The following ALAS2 variants were observed in gnomAD, a reference collection of about 807,000 sequenced individuals.
The protein encoded by ALAS2 is 5'-aminolevulinate synthase 2, also known as 5-aminolevulinate synthase, erythroid-specific, mitochondrial.
ALAS2 carries 3 observed loss-of-function variants against 33.7 expected under a neutral mutation model. That is an observed-to-expected ratio of 0.09 (90% CI 0.04 to 0.23). The LOEUF (loss-of-function observed/expected upper bound fraction) is 0.23, where lower values mean the gene tolerates loss of function less well. Among genes scored for constraint, ALAS2 ranks in the 10% least tolerant of loss-of-function variants. The pLI, the probability that ALAS2 is intolerant of heterozygous loss-of-function variation, is 1.00. For synonymous variants in ALAS2, 191 were observed against 177.3 expected, an observed-to-expected ratio of 1.08 and a Z score of -0.61; for missense variants, 304 against 475.1, an observed-to-expected ratio of 0.64 and a Z score of 3.35.
intron 10 of ALAS2, among the ~76,000 whole-genome samples, chrX:55,011,224 A>G (rs1378725863): frequency 8.9e-6 from 1 of 112,220 alleles, no homozygotes; most frequent in Non-Finnish European, 1.9e-5. Context: ...ATACATCCCT[A>G]TCAGTACAAA....
intron 8 of ALAS2, 129 bp from the exon 9 acceptor site, chrX:55,015,144 C>T: frequency 1.4e-6 from 1 of 733,141 alleles, no homozygotes; most frequent in South Asian, 3.0e-5. Flanking sequence ...CAGGCCTCTG[C>T]TCATCTGTCC....
chrX:55,030,623 G>T (rs369750538), intron 1 of ALAS2, among the ~76,000 whole-genome samples: 1 of 111,257 alleles, frequency 9.0e-6, no homozygotes, highest in East Asian at 2.8e-4. Flanking sequence ...GGGAGAGAAA[G>T]AAATTTAGAG....
chrX:55,025,964 C>T lies in ALAS2; in HGVS notation c.37G>A (p.Val13Met), dbSNP rs374128234. The change falls in exon 2 of 11, where the codon GTG becomes ATG. Residue 13 changes from valine to methionine, a missense_variant. Coordinates refer to ENST00000650242, the MANE Select transcript of ALAS2 (RefSeq NM_000032.5). ...AGGCTTGTGGGGCCCCGGGCAAGCA[C>T]TGGGCAGCACTGTAGCAGCATGGCT... Reference protein sequence around the residue: ...TAAMLLQCCPVLARGPTSLLG... With the variant: ...TAAMLLQCCPMLARGPTSLLG... 5.0e-5 allele frequency: 60 copies of T among 1,209,260 alleles called. No homozygotes were observed. The highest frequency in any genetic ancestry group is 6.4e-5 in the Non-Finnish European group (57 of 895,041).
chrX:55,017,467 C>T lies in ALAS2; in HGVS notation c.1003+19G>A, dbSNP rs367874738. The T allele has an allele frequency of 6.5e-5, 78 of 1,192,051 alleles. No homozygotes were observed. The highest frequency in any genetic ancestry group is 1.1e-4 in the Admixed American group (5 of 45,693). ...TGTGAGACCAACACTAGTAAACATA[C>T]ACTCACTCATATACATACCATCCAT... is the stretch of plus-strand genomic sequence containing the variant. On this transcript the variant is annotated intron_variant, in intron 7 of 10. Coordinates refer to ENST00000650242, the MANE Select transcript of ALAS2 (RefSeq NM_000032.5).
intron 3 of ALAS2, 60 bp from the exon 4 acceptor site, chrX:55,023,927 G>A: frequency 2.0e-6 from 2 of 980,423 alleles, no homozygotes; most frequent in Non-Finnish European, 1.4e-6. Context: ...GAAAGCATGT[G>A]TTGTCCTCTT....
intron 3 of ALAS2, among the ~76,000 whole-genome samples, chrX:55,024,485 C>T (rs187531575): frequency 8.9e-6 from 1 of 111,897 alleles, no homozygotes; most frequent in East Asian, 2.8e-4. Flanking sequence ...CTAGAGGGCT[C>T]ATCTTAGAAT....
At chrX:55,014,331 A>G (rs1004741494) in intron 9 of ALAS2, among the ~76,000 whole-genome samples, 4 of 111,726 alleles carry the variant, frequency 3.6e-5, no homozygotes, top group African/African-American at 1.3e-4. Flanking sequence ...ATATGCAAAT[A>G]CCCAAAATGC....
intron 1 of ALAS2, among the ~76,000 whole-genome samples, chrX:55,029,732 A>G (rs1935958158): frequency 8.9e-6 from 1 of 112,095 alleles, no homozygotes; most frequent in African/African-American, 3.2e-5. Context: ...ATGTGTGATA[A>G]TGCTTGCCAG....
intron 7 of ALAS2, among the ~76,000 whole-genome samples, chrX:55,016,784 G>A (rs1050420359): frequency 6.3e-5 from 7 of 111,977 alleles, no homozygotes; most frequent in African/African-American, 2.3e-4. Context: ...TTCTACTAAA[G>A]CATAATAACT....
At position 55,009,231 on chromosome X, in the gene ALAS2, T is replaced by C; in HGVS notation, c.1713A>G (p.Glu571=). 1 of 1,207,908 alleles carries C rather than the reference T, an allele frequency of 8.3e-7. No homozygotes were observed. Among genetic ancestry groups the C allele is most frequent in the Non-Finnish European group, 1.1e-6 (1 of 893,829 alleles). ...GCCCCATGTTCCCGAAGTAGGAACG[T>C]TCCCACTCACTCATGAGCTCAAAGT... is the stretch of plus-strand genomic sequence containing the variant. ...PVHFELMSEW[E]RSYFGNMGPQ... The change falls in exon 11 of 11, where the codon GAA becomes GAG. Residue 571 remains glutamate (E), a synonymous_variant. Transcript: ENST00000650242.
chrX:55,013,482 T>G lies in ALAS2; in HGVS notation c.1600+4A>C, dbSNP rs759575947. 2 of 1,207,843 alleles carry G rather than the reference T, an allele frequency of 1.7e-6. No homozygotes were observed. The highest frequency in any genetic ancestry group is 2.2e-5 in the Admixed American group (1 of 45,943). Reference sequence around the variant, plus strand: ...TCCTGTAGGCACCCATGTTGAGAACTTACCCACAAAATCTTCCATCATCTG... The same window carrying G: ...TCCTGTAGGCACCCATGTTGAGAACGTACCCACAAAATCTTCCATCATCTG... On this transcript the variant is annotated splice_donor_region_variant and intron_variant, in intron 10 of 10. Coordinates refer to ENST00000650242, the MANE Select transcript of ALAS2 (RefSeq NM_000032.5).
intron 1 of ALAS2, 36 bp downstream of exon 1, chrX:55,030,906 C>A (rs1166782732): frequency 2.9e-6 from 1 of 340,143 alleles, no homozygotes; most frequent in Non-Finnish European, 5.9e-6. Flanking sequence ...AGCTGGCAGA[C>A]CAGAGATAGG....
intron 7 of ALAS2, among the ~76,000 whole-genome samples, chrX:55,017,282 T>C (rs150367517): frequency 1.1e-3 from 122 of 112,161 alleles, no homozygotes; most frequent in African/African-American, 3.7e-3. Context: ...ATGTAAAAAA[T>C]CAAAATAATA....
chrX:55,013,722 A>G (rs1043926159), intron 9 of ALAS2, 74 bp from the exon 10 acceptor site: 1 of 1,126,627 alleles, frequency 8.9e-7, no homozygotes. Flanking sequence ...AAGCAGATGG[A>G]GGGAACTAGA....
At chrX:55,020,292 CT>C in intron 6 of ALAS2, 27 bp downstream of exon 6, 1 of 1,195,687 alleles carries the variant, frequency 8.4e-7, no homozygotes, top group Non-Finnish European at 1.1e-6. Context: ...GATACCAGCC[CT>C]GAACAAAGCT....
In ALAS2 at chrX:55,009,265, C is replaced by T. The variant is rs892041887; in HGVS notation, c.1679G>A (p.Arg560His). 6 of 1,206,079 alleles carry T rather than the reference C, an allele frequency of 5.0e-6. No individual in the cohort carries two copies. Among genetic ancestry groups the T allele is most frequent in the South Asian group, 3.6e-5 (2 of 55,718 alleles). The change falls in exon 11 of 11, where the codon CGT becomes CAT. Residue 560 changes from arginine to histidine, a missense_variant. Arg to His is a conservative substitution (Grantham distance 29). Around this residue, in one of 3 missense-constraint regions of ALAS2, gnomAD observed 95 missense variants for 127.0 expected, o/e 0.75. Coordinates refer to ENST00000650242, the MANE Select transcript of ALAS2 (RefSeq NM_000032.5). ...ACTCATGAGCTCAAAGTGTACAGGA[C>T]GGCGACAGAAATTGCAGGCAGCCAC... ...VSVAACNFCRRPVHFELMSEW... is the reference protein window; with the variant it reads ...VSVAACNFCRHPVHFELMSEW...
At chrX:55,020,596 A>G (rs914413331) in intron 5 of ALAS2, 92 bp from the exon 6 acceptor site, 35 of 871,828 alleles carry the variant, frequency 4.0e-5, no homozygotes, top group African/African-American at 4.0e-5. Context: ...ATGGGAGTCA[A>G]TGTTGAGTTA....
chrX:55,021,207 G>C lies in ALAS2; in HGVS notation c.483C>G (p.Thr161=). ...DKIMEKKQDH[T]YRVFKTVNRW... ...GGTTCACAGTCTTGAACACACGGTA[G>C]GTGTGATCCTGTTTCTTCTCCATGA... The change falls in exon 5 of 11, where the codon ACC becomes ACG. Residue 161 remains threonine (T), a synonymous_variant. Transcript: ENST00000650242. 1 of 1,211,488 alleles carries C rather than the reference G, an allele frequency of 8.3e-7. No individual in the cohort carries two copies. Among genetic ancestry groups the C allele is most frequent in the Non-Finnish European group, 1.1e-6 (1 of 895,047 alleles).
intron 5 of ALAS2, 72 bp downstream of exon 5, chrX:55,020,980 C>CTT (rs376523169): frequency 1.2e-4 from 104 of 841,198 alleles, no homozygotes; most frequent in East Asian, 2.5e-4. Flanking sequence ...CCAGCTCTGC[C>CTT]TTTTTTTTTT....
Sources: allele counts gnomAD v4.1 joint callset (sites outside exome capture counted in the v4.1 genomes callset), GRCh38; gene constraint gnomAD v4.1.1; regional missense constraint gnomAD v4.1.1; transcripts MANE v1.5; gene names NCBI Gene and HGNC (gene_info 2026-07-23, HGNC 2026-07-21).